GNG7: variants seen among roughly 807,000 people sequenced by gnomAD.
The protein encoded by GNG7 is guanine nucleotide-binding protein G(I)/G(S)/G(O) subunit gamma-7.
GNG7 carries 1 observed loss-of-function variant against 4.0 expected under a neutral mutation model. That is an observed-to-expected ratio of 0.25 (90% CI 0.09 to 1.18). The LOEUF is 1.18. Among genes scored for constraint, GNG7 ranks in the 50% most tolerant of loss-of-function variants. The probability of loss-of-function intolerance (pLI) is 0.50; values close to 1 mark genes in which losing one functional copy is unlikely to be tolerated. For missense variants in GNG7, 86 were observed against 91.9 expected (o/e 0.94, Z 0.26); for synonymous variants, 34 against 36.9 (o/e 0.92, Z 0.29).
chr19:2,661,354 A>G (rs370811146), intron 1 of GNG7, among the ~76,000 whole-genome samples: 4 of 147,470 alleles, frequency 2.7e-5, no homozygotes, highest in Admixed American at 1.4e-4. Flanking sequence ...GAAAGAAAGA[A>G]AGAAAGAAAT....
chr19:2,577,303 G>C (rs754917394), intron 2 of GNG7, among the ~76,000 whole-genome samples: 61 of 152,252 alleles, frequency 4.0e-4, no homozygotes, highest in Non-Finnish European at 7.4e-4. Flanking sequence ...TCCAAGGCTC[G>C]CCCGGGGAAG....
At chr19:2,547,003 G>A (rs1979150059) in intron 3 of GNG7, among the ~76,000 whole-genome samples, 1 of 152,046 alleles carries the variant, frequency 6.6e-6, no homozygotes, top group Non-Finnish European at 1.5e-5. Context: ...AAGGGCAGGA[G>A]GGTTAGGAAG....
intron 1 of GNG7, among the ~76,000 whole-genome samples, chr19:2,659,183 A>C (rs910913274): frequency 1.3e-4 from 20 of 151,872 alleles, no homozygotes; most frequent in African/African-American, 3.9e-4. Context: ...GTTAGCCAGG[A>C]TGGTCTCAAT....
Position 2,557,037 on chromosome 19 carries a change from A to G in GNG7, c.-77-1849T>C, listed in dbSNP as rs1392052791. ...TACACACACACACGCACACACAGAC[A>G]CACGCACACTCACACACATATGCAC... On this transcript the variant is annotated intron_variant, in intron 2 of 4. Transcript: ENST00000382159. The surrounding 1 kb of genome is among the most constrained non-coding windows in gnomAD (Gnocchi z 5.1). Among the ~76,000 whole-genome samples the G allele has an allele frequency of 6.7e-6, 1 of 150,346 alleles. No individual in the cohort carries two copies. The highest frequency in any genetic ancestry group is 2.0e-4 in the East Asian group (1 of 5,124).
Position 2,511,861 on chromosome 19 carries a change from GA to G in GNG7, c.*3160del, listed in dbSNP as rs1215182651. The G allele has an allele frequency of 1.0e-6, 1 of 986,076 alleles. No homozygotes were observed. Among genetic ancestry groups the G allele is most frequent in the African/African-American group, 1.7e-5 (1 of 57,236 alleles). 61.1% of individuals were successfully genotyped at this position (986,076 alleles called of 1,614,324 possible). On this transcript the variant is annotated 3_prime_UTR_variant, in exon 5 of 5. Coordinates refer to ENST00000382159, the MANE Select transcript of GNG7 (RefSeq NM_052847.3). The surrounding 1 kb of genome is among the most constrained non-coding windows in gnomAD (Gnocchi z 6.3). ...GGGGTTACCCCTGGGGAGGGTGGGA[GA>G]GGGGTGAGGGTTCTGGCTCCTTCCT...
In GNG7 at chr19:2,644,327, TTATATATATA is replaced by T. The variant is rs56143197; in HGVS notation, c.-78+1887_-78+1896del. Among the ~76,000 whole-genome samples, 329 of 114,164 alleles carry T rather than the reference TTATATATATA, an allele frequency of 2.9e-3. 2 individuals carry two copies. The highest frequency in any genetic ancestry group is 3.6e-3 in the Admixed American group (37 of 10,364). The allele number at this position is 114,164 out of a possible 152,430, so 74.9% of individuals were successfully genotyped here. The stretch of plus-strand genomic sequence containing the variant: ...TGAGCCACTGCACCCGGCCTACACT[TTATATATATA>T]TATATATATATATATATATATATAT... On this transcript the variant is annotated intron_variant, in intron 2 of 4. Transcript: ENST00000382159.
At chr19:2,691,157 G>A (rs2030224370) in intron 1 of GNG7, among the ~76,000 whole-genome samples, 1 of 152,158 alleles carries the variant, frequency 6.6e-6, no homozygotes, top group South Asian at 2.1e-4. Flanking sequence ...CGATTTTGCT[G>A]TAAACCTAAA....
chr19:2,694,237 G>T lies in GNG7; in HGVS notation c.-135+8409C>A, dbSNP rs77363668. On this transcript the variant is annotated intron_variant, in intron 1 of 4. Transcript: ENST00000382159. ...GGAGATTTTTTTGTTGCTTTTTTTTGGGGGGGGGCAGGGAATAGCACTTAA... is the reference window on the plus strand; with the variant it reads ...GGAGATTTTTTTGTTGCTTTTTTTTTGGGGGGGGCAGGGAATAGCACTTAA... Among the ~76,000 whole-genome samples, 86 of 134,540 alleles carry T rather than the reference G, an allele frequency of 6.4e-4. No individual in the cohort carries two copies. In the East Asian group the frequency reaches 7.0e-3, roughly 11 times the overall value. The allele number at this position is 134,540 out of a possible 152,430, so 88.3% of individuals were successfully genotyped here. A position where few individuals can be genotyped will look rare whatever the true frequency, so the allele number is the denominator to read the frequency against.
At chr19:2,548,412 C>T (rs1446767854) in intron 3 of GNG7, among the ~76,000 whole-genome samples, 4 of 134,076 alleles carry the variant, frequency 3.0e-5, no homozygotes, top group East Asian at 4.8e-4. Context: ...ACTCGGGAGG[C>T]GGAGGTTGCA....
intron 4 of GNG7, among the ~76,000 whole-genome samples, chr19:2,520,162 C>CA (rs1978300107): frequency 6.6e-6 from 1 of 152,186 alleles, no homozygotes; most frequent in South Asian, 2.1e-4. Context: ...GCCTGGGTGA[C>CA]AGAGCAAGAC....
At chr19:2,599,894 G>A (rs138750733) in intron 2 of GNG7, among the ~76,000 whole-genome samples, 20 of 150,398 alleles carry the variant, frequency 1.3e-4, no homozygotes, top group Admixed American at 1.1e-3. Context: ...CTGAGATGGC[G>A]CCACCGCACT....
chr19:2,564,275 G>A (rs1979834305), intron 2 of GNG7, among the ~76,000 whole-genome samples: 1 of 152,048 alleles, frequency 6.6e-6, no homozygotes, highest in Non-Finnish European at 1.5e-5. Context: ...AATGACTGGT[G>A]TCCTTTTAAG....
intron 1 of GNG7, among the ~76,000 whole-genome samples, chr19:2,657,473 C>T (rs1239986170): frequency 2.1e-5 from 3 of 144,404 alleles, no homozygotes; most frequent in Non-Finnish European, 4.5e-5. Flanking sequence ...AGTCGTCTGC[C>T]AGTCTCTAAC....
At chr19:2,530,359 G>A (rs142318347) in intron 3 of GNG7, among the ~76,000 whole-genome samples, 2,653 of 151,434 alleles carry the variant, frequency 0.018, 75 homozygotes, top group African/African-American at 0.059. Context: ...GTTGCAGTGA[G>A]CTGAGATTGT....
At chr19:2,639,586 GTA>G (rs1982429057) in intron 2 of GNG7, among the ~76,000 whole-genome samples, 14 of 149,682 alleles carry the variant, frequency 9.4e-5, no homozygotes, top group South Asian at 2.1e-4. Context: ...GATGTCAAAT[GTA>G]GATGGCAGGC....
intron 1 of GNG7, among the ~76,000 whole-genome samples, chr19:2,702,109 C>A (rs1033345028): frequency 2.7e-5 from 4 of 150,646 alleles, no homozygotes; most frequent in African/African-American, 9.8e-5. Context: ...AGCTCCCTCC[C>A]CAGCTAACCT....
intron 3 of GNG7, among the ~76,000 whole-genome samples, chr19:2,542,598 C>A (rs1180708107): frequency 6.6e-6 from 1 of 152,176 alleles, no homozygotes; most frequent in Non-Finnish European, 1.5e-5. Context: ...GCCTGGGAGA[C>A]CCTGGGCAGA....
At chr19:2,620,133 G>T (rs866703780) in intron 2 of GNG7, among the ~76,000 whole-genome samples, 25 of 150,444 alleles carry the variant, frequency 1.7e-4, no homozygotes, top group Middle Eastern at 3.4e-3. Context: ...GGAGGTAGAG[G>T]TTGCAGGTTG....
chr19:2,543,330 C>T (rs572314872), intron 3 of GNG7, among the ~76,000 whole-genome samples: 1 of 151,974 alleles, frequency 6.6e-6, no homozygotes, highest in East Asian at 1.9e-4. Flanking sequence ...CAGAGATCCT[C>T]CCACCTCAGC....
Sources: gnomAD v4.1 joint callset for allele counts (sites outside exome capture counted in the v4.1 genomes callset) on GRCh38, gnomAD v4.1.1 for gene constraint, Gnocchi (gnomAD v3.1) non-coding constraint, MANE v1.5 for transcripts, NCBI Gene and HGNC (gene_info 2026-07-23, HGNC 2026-07-21) for gene names.